RAB7A: variants seen among roughly 807,000 people sequenced by gnomAD.
RAB7A encodes RAB7A, member RAS oncogene family.
In RAB7A, 2 loss-of-function variants were observed where a neutral mutation model predicts 24.5. The ratio of observed to expected loss-of-function variants is 0.08; its 90% CI spans 0.03 to 0.26. The LOEUF is 0.26. Among genes scored for constraint, RAB7A ranks in the 10% least tolerant of loss-of-function variants. The probability of loss-of-function intolerance (pLI) is 1.00; values close to 1 mark genes in which losing one functional copy is unlikely to be tolerated. For missense variants in RAB7A, 118 were observed against 255.7 expected (o/e 0.46, Z 3.67); for synonymous variants, 100 against 95.9 (o/e 1.04, Z -0.25).
At chr3:128,783,694 CT>C (rs932374521) in intron 1 of RAB7A, among the ~76,000 whole-genome samples, 3 of 152,340 alleles carry the variant, frequency 2.0e-5, no homozygotes, top group South Asian at 4.1e-4. Context: ...CGCCACCCCC[CT>C]GATGCTTAGC....
At chr3:128,733,629 A>G (rs1165432601) in intron 1 of RAB7A, among the ~76,000 whole-genome samples, 1 of 152,126 alleles carries the variant, frequency 6.6e-6, no homozygotes, top group African/African-American at 2.4e-5. Context: ...TCTTCCCTGT[A>G]TCTTCACAGG....
At chr3:128,744,596 T>C (rs1255126979) in intron 1 of RAB7A, among the ~76,000 whole-genome samples, 2 of 152,208 alleles carry the variant, frequency 1.3e-5, no homozygotes, top group East Asian at 1.9e-4. Context: ...CTAAGCTGCT[T>C]TGGGGACCAC....
intron 1 of RAB7A, among the ~76,000 whole-genome samples, chr3:128,742,348 G>C (rs1275427866): frequency 6.6e-6 from 1 of 152,158 alleles, no homozygotes; most frequent in African/African-American, 2.4e-5. Flanking sequence ...ACTGCAAAGA[G>C]CGAAAGAACA....
chr3:128,763,220 T>A (rs1209423537), intron 1 of RAB7A, among the ~76,000 whole-genome samples: 55 of 128,340 alleles, frequency 4.3e-4, no homozygotes, highest in East Asian at 1.1e-3. Flanking sequence ...TTTTTTTTTT[T>A]TTTTTTTTTT....
At chr3:128,761,471 CTT>C (rs2070775674) in intron 1 of RAB7A, among the ~76,000 whole-genome samples, 1 of 152,176 alleles carries the variant, frequency 6.6e-6, no homozygotes, top group African/African-American at 2.4e-5. Context: ...TTAAACCAAG[CTT>C]GAGGTAGGGA....
intron 1 of RAB7A, among the ~76,000 whole-genome samples, chr3:128,757,524 A>AT (rs574862753): frequency 0.012 from 1,799 of 145,462 alleles, 15 homozygotes; most frequent in Non-Finnish European, 0.014. Context: ...TTTAAAAACA[A>AT]TTTTTTTTTT....
intron 2 of RAB7A, 25 bp from the exon 3 acceptor site, chr3:128,797,918 A>G (rs754392046): frequency 2.5e-6 from 4 of 1,611,618 alleles, no homozygotes; most frequent in Non-Finnish European, 3.4e-6. Flanking sequence ...TTTGACTTAT[A>G]CTTATGGTTT....
intron 1 of RAB7A, among the ~76,000 whole-genome samples, chr3:128,735,479 A>G (rs966943677): frequency 2.0e-5 from 3 of 152,248 alleles, no homozygotes; most frequent in African/African-American, 7.2e-5. Context: ...TAAGTCAGAT[A>G]GTACCCCAGT....
At chr3:128,741,106 T>G (rs1237012500) in intron 1 of RAB7A, among the ~76,000 whole-genome samples, 1 of 152,070 alleles carries the variant, frequency 6.6e-6, no homozygotes, top group African/African-American at 2.4e-5. Context: ...CTTTTGTATA[T>G]TTATAGTCTT....
At chr3:128,798,821 T>TAAAAAAAAA in intron 3 of RAB7A, 1 of 147,110 alleles carries the variant, frequency 6.8e-6, no homozygotes, top group Non-Finnish European at 1.2e-5. Flanking sequence ...TCTCTAAATT[T>TAAAAAAAAA]AAAAAAAAAA....
At chr3:128,728,502 GC>G (rs1271213591) in intron 1 of RAB7A, among the ~76,000 whole-genome samples, 83 of 152,140 alleles carry the variant, frequency 5.5e-4, no homozygotes, top group African/African-American at 2.0e-3. Flanking sequence ...CCCTCTTGTT[GC>G]CCAGGCTAGA....
intron 1 of RAB7A, among the ~76,000 whole-genome samples, chr3:128,731,821 C>T (rs965546878): frequency 2.0e-5 from 3 of 151,900 alleles, no homozygotes; most frequent in South Asian, 2.1e-4. Context: ...TCCTGGCCAA[C>T]GTGGTGAAAC....
At chr3:128,784,946 A>ATTTT (rs11287809) in intron 1 of RAB7A, among the ~76,000 whole-genome samples, 1 of 135,374 alleles carries the variant, frequency 7.4e-6, no homozygotes, top group Non-Finnish European at 1.6e-5. Context: ...TCATGGCATG[A>ATTTT]TTTTTTTTTT....
chr3:128,808,844 G>A (rs1199754182), intron 5 of RAB7A, among the ~76,000 whole-genome samples: 2 of 152,192 alleles, frequency 1.3e-5, no homozygotes, highest in Non-Finnish European at 2.9e-5. Flanking sequence ...GCTTTCAGCA[G>A]GACAAAGAGT....
At chr3:128,779,494 A>T (rs1933170924) in intron 1 of RAB7A, among the ~76,000 whole-genome samples, 1 of 151,338 alleles carries the variant, frequency 6.6e-6, no homozygotes, top group Admixed American at 6.6e-5. Flanking sequence ...TTCTAAATAC[A>T]TAGAATTGTA....
At chr3:128,780,677 A>G (rs781370993) in intron 1 of RAB7A, among the ~76,000 whole-genome samples, 2 of 152,220 alleles carry the variant, frequency 1.3e-5, no homozygotes, top group Non-Finnish European at 2.9e-5. Context: ...TAAAAATAGC[A>G]ACACATGATC....
intron 1 of RAB7A, among the ~76,000 whole-genome samples, chr3:128,746,391 G>A (rs1327962754): frequency 6.6e-6 from 1 of 152,152 alleles, no homozygotes; most frequent in Non-Finnish European, 1.5e-5. Context: ...TTCTGCCTCA[G>A]CCTCTCAATG....
At chr3:128,772,292 A>G (rs1932970149) in intron 1 of RAB7A, among the ~76,000 whole-genome samples, 1 of 152,242 alleles carries the variant, frequency 6.6e-6, no homozygotes, top group Non-Finnish European at 1.5e-5. Context: ...CATATAACCT[A>G]GAAGGATGTG....
At chr3:128,780,023 A>G (rs1468338125) in intron 1 of RAB7A, among the ~76,000 whole-genome samples, 1 of 152,226 alleles carries the variant, frequency 6.6e-6, no homozygotes, top group Non-Finnish European at 1.5e-5. Flanking sequence ...GTCATGGGAC[A>G]GGGAGAGAAG....
Sources: gnomAD v4.1 joint callset for allele counts (sites outside exome capture counted in the v4.1 genomes callset) on GRCh38, gnomAD v4.1.1 for gene constraint, MANE v1.5 for transcripts, NCBI Gene and HGNC (gene_info 2026-07-23, HGNC 2026-07-21) for gene names.